NOTCH2: variants seen among roughly 807,000 people sequenced by gnomAD.
NOTCH2 encodes the protein notch receptor 2.
Under a neutral mutation model 235.8 loss-of-function variants are expected in NOTCH2, and 29 were observed. The ratio of observed to expected loss-of-function variants is 0.12; its 90% CI spans 0.09 to 0.17. The LOEUF (loss-of-function observed/expected upper bound fraction) is 0.17, where lower values mean the gene tolerates loss of function less well. Ranked by LOEUF, NOTCH2 falls within the 10% of genes least tolerant of loss-of-function variation. NOTCH2 has a pLI of 1.00. For synonymous variants in NOTCH2, 1,086 were observed against 1,141.5 expected, an observed-to-expected ratio of 0.95 and a Z score of 0.98; for missense variants, 2,285 against 3,150.2, an observed-to-expected ratio of 0.73 and a Z score of 6.57.
chr1:120,014,800 C>A (rs587728233), intron 2 of NOTCH2, among the ~76,000 whole-genome samples: 68 of 121,044 alleles, frequency 5.6e-4, no homozygotes, highest in Non-Finnish European at 1.1e-3. Flanking sequence ...AATAGCCACT[C>A]GTCTACAGAA....
intron 1 of NOTCH2, among the ~76,000 whole-genome samples, chr1:120,041,869 G>GA (rs1274390121): frequency 5.4e-5 from 4 of 73,926 alleles, no homozygotes; most frequent in Non-Finnish European, 8.2e-5. Context: ...GAAAAGAAAA[G>GA]AAAAAAAAGA....
At position 119,913,710 on chromosome 1, in the gene NOTCH2, A is replaced by G. The variant is rs1648965977; in HGVS notation, c.*1596T>C. 4.3e-6 allele frequency: 1 copy of G among 233,168 alleles called. No individual in the cohort carries two copies. The highest frequency in any genetic ancestry group is 8.5e-6 in the Non-Finnish European group (1 of 118,042). The allele number at this position is 233,168 out of a possible 1,614,324, so 14.4% of individuals were successfully genotyped here. On this transcript the variant is annotated 3_prime_UTR_variant, in exon 34 of 34. Transcript: ENST00000256646. ...ATCAGTCTGAACAATGAGCAAGTCT[A>G]TAGTTGTCCATTATCATCTAAAAGG...
chr1:119,979,997 A>G (rs1377133817), intron 5 of NOTCH2, among the ~76,000 whole-genome samples: 5 of 152,196 alleles, frequency 3.3e-5, no homozygotes, highest in African/African-American at 1.2e-4. Context: ...CTCGTGGACC[A>G]ATTTCCTCTT....
rs1414741277 is a variant in NOTCH2, at chr1:119,999,605, G to A, written c.416-2273C>T. Among the ~76,000 whole-genome samples the A allele has an allele frequency of 9.9e-4, 151 of 151,962 alleles. 1 individual carries two copies. The highest frequency in any genetic ancestry group is 3.6e-3 in the African/African-American group (147 of 41,360). On this transcript the variant is annotated intron_variant, in intron 3 of 33. Transcript: ENST00000256646. ...CTGAAACAGAAAGATCCCTGGGCCG[G>A]AAGTGGTGGCTGATGCCTGTAATCC...
intron 22 of NOTCH2, chr1:119,934,988 A>C: frequency 1.6e-5 from 9 of 558,320 alleles, no homozygotes; most frequent in Non-Finnish European, 2.0e-5. Flanking sequence ...CTGCATCCTA[A>C]GGTAGAACCT....
Position 120,023,294 on chromosome 1 carries a change from G to A in NOTCH2, c.155+6612C>T, listed in dbSNP as rs587742638. Among the ~76,000 whole-genome samples the A allele has an allele frequency of 2.0e-3, 302 of 150,972 alleles. 1 individual carries two copies. Among genetic ancestry groups the A allele is most frequent in the African/African-American group, 6.9e-3 (283 of 41,056 alleles). On this transcript the variant is annotated intron_variant, in intron 2 of 33. Coordinates refer to ENST00000256646, the MANE Select transcript of NOTCH2 (RefSeq NM_024408.4). ...CTACTAAAAATACAAAAAATTAGCC[G>A]GGCGTGGTGGCGGGCGCTTGTAGTC...
intron 12 of NOTCH2, among the ~76,000 whole-genome samples, chr1:119,957,596 T>G (rs1553198492): frequency 6.6e-6 from 1 of 151,974 alleles, no homozygotes; most frequent in East Asian, 1.9e-4. Flanking sequence ...AGCAGCTGAT[T>G]AAAAAAATCA....
In NOTCH2 at chr1:119,959,446, T is replaced by G. The variant is rs1359921167; in HGVS notation, c.1972A>C (p.Ile658Leu). Residue 658 changes from isoleucine to leucine, a missense_variant, in exon 12 of 34, where the codon ATC (isoleucine) becomes CTC (leucine). By Grantham distance (5) the Ile-to-Leu change is conservative. This residue lies in a region of NOTCH2 where 431 missense variants were observed against 757.8 expected (regional missense o/e 0.57). Coordinates refer to ENST00000256646, the MANE Select transcript of NOTCH2 (RefSeq NM_024408.4). ...TAGCGATTAATGCCATCCATACAGATTCCATGGATACAAGGGTTACTTGCA... is the reference window on the plus strand; with the variant it reads ...TAGCGATTAATGCCATCCATACAGAGTCCATGGATACAAGGGTTACTTGCA... ...DCASNPCIHGICMDGINRYSC... is the reference protein window; with the variant it reads ...DCASNPCIHGLCMDGINRYSC... 1.2e-6 allele frequency: 2 copies of G among 1,612,364 alleles called. No homozygotes were observed. Among genetic ancestry groups the G allele is most frequent in the South Asian group, 1.1e-5 (1 of 91,080 alleles).
intron 5 of NOTCH2, 80 bp downstream of exon 5, chr1:119,986,880 T>C: frequency 6.3e-7 from 1 of 1,587,082 alleles, no homozygotes; most frequent in Admixed American, 1.7e-5. Flanking sequence ...AGATATTTGT[T>C]ACTGATATTT....
At chr1:119,981,737 T>C (rs1396528530) in intron 5 of NOTCH2, among the ~76,000 whole-genome samples, 4 of 152,160 alleles carry the variant, frequency 2.6e-5, no homozygotes, top group African/African-American at 4.8e-5. Flanking sequence ...GCCCAACTGA[T>C]AGGAAACCGA....
At chr1:119,958,121 A>G (rs146260731) in intron 12 of NOTCH2, among the ~76,000 whole-genome samples, 1 of 152,286 alleles carries the variant, frequency 6.6e-6, no homozygotes, top group East Asian at 1.9e-4. Context: ...CCACTTATCA[A>G]CAATGTACCT....
chr1:119,968,210 A>G lies in NOTCH2; in HGVS notation c.1131T>C (p.Asp377=). Residue 377 remains aspartate (D), a synonymous_variant, in exon 7 of 34, where the codon GAT becomes GAC. Coordinates refer to ENST00000256646, the MANE Select transcript of NOTCH2 (RefSeq NM_024408.4). ...TGTGGCAAGGATTGCTGATGCATGC[A>G]TCATCCAGATGACACAGGAGACCTG... ...GKAGLLCHLD[D]ACISNPCHKG... is the part of the protein sequence containing the mutation. The G allele has an allele frequency of 1.2e-6, 2 of 1,613,978 alleles. No homozygotes were observed. Among genetic ancestry groups the G allele is most frequent in the Non-Finnish European group, 1.7e-6 (2 of 1,179,934 alleles).
At chr1:120,005,232 G>A in intron 3 of NOTCH2, 97 bp downstream of exon 3, 2 of 1,347,172 alleles carry the variant, frequency 1.5e-6, no homozygotes, top group South Asian at 1.2e-5. Flanking sequence ...CACCAGAGCT[G>A]GGGGACATTT....
At chr1:120,039,447 C>T (rs1350412533) in intron 1 of NOTCH2, among the ~76,000 whole-genome samples, 2 of 144,614 alleles carry the variant, frequency 1.4e-5, no homozygotes, top group Admixed American at 7.0e-5. Context: ...CTCGCTCTGT[C>T]GCCCAGGCTG....
intron 11 of NOTCH2, among the ~76,000 whole-genome samples, chr1:119,962,545 G>A (rs926589930): frequency 6.6e-6 from 1 of 152,112 alleles, no homozygotes; most frequent in African/African-American, 2.4e-5. Context: ...TTTCAAACTT[G>A]GCATGTATGA....
Position 119,926,575 on chromosome 1 carries a change from T to C in NOTCH2, c.3929A>G (p.Gln1310Arg). 1 of 1,609,740 alleles carries C rather than the reference T, an allele frequency of 6.2e-7. No individual in the cohort carries two copies. Among genetic ancestry groups the C allele is most frequent in the Non-Finnish European group, 8.5e-7 (1 of 1,177,732 alleles). Residue 1310 changes from glutamine (Q) to arginine (R), a missense_variant, in exon 24 of 34, where the codon CAG (glutamine) becomes CGG (arginine). By Grantham distance (43) the Gln-to-Arg change is conservative. This residue lies in a region of NOTCH2 where 1,173 missense variants were observed against 1,515.3 expected (regional missense o/e 0.77). Transcript: ENST00000256646. Reference sequence around the variant, plus strand: ...AGTCCCTCCATTCAGGCAGGGCATCTGGGGACACACATCGACGAAGGTTTC... The same window carrying C: ...AGTCCCTCCATTCAGGCAGGGCATCCGGGGACACACATCGACGAAGGTTTC... The part of the protein sequence containing the change: ...HCETFVDVCP[Q>R]MPCLNGGTCA...
At chr1:120,029,195 GAATAT>G (rs1553210569) in intron 2 of NOTCH2, among the ~76,000 whole-genome samples, 1 of 148,716 alleles carries the variant, frequency 6.7e-6, no homozygotes, top group East Asian at 2.0e-4. Flanking sequence ...AAAAAAATAT[GAATAT>G]AATATTCACA....
chr1:119,916,424 C>T lies in NOTCH2; in HGVS notation c.6298G>A (p.Gly2100Ser). The stretch of plus-strand genomic sequence containing the variant: ...GCACTGGGCCGTCTAGACTTCTTGC[C>T]CATTGGGGTGTGCTTCAGGCTGAGG... ...SFLSLKHTPMGKKSRRPSAKS... is the reference protein window; with the variant it reads ...SFLSLKHTPMSKKSRRPSAKS... The change falls in exon 34 of 34, where the codon GGC (glycine) becomes AGC (serine). Residue 2100 changes from glycine to serine, a missense_variant. This residue lies in a region of NOTCH2 where 504 missense variants were observed against 538.0 expected (regional missense o/e 0.94). Transcript: ENST00000256646. The T allele has an allele frequency of 6.2e-7, 1 of 1,614,096 alleles. No individual in the cohort carries two copies. The highest frequency in any genetic ancestry group is 8.5e-7 in the Non-Finnish European group (1 of 1,179,994).
chr1:119,967,395 C>A (rs781946053), intron 8 of NOTCH2, 38 bp downstream of exon 8: 1 of 1,584,506 alleles, frequency 6.3e-7, no homozygotes, highest in South Asian at 1.1e-5. Context: ...AGAACAGTCC[C>A]TCCTCTCTAG....
Sources: allele counts gnomAD v4.1 joint callset (sites outside exome capture counted in the v4.1 genomes callset), GRCh38; gene constraint gnomAD v4.1.1; regional missense constraint gnomAD v4.1.1; transcripts MANE v1.5; gene names NCBI Gene and HGNC (gene_info 2026-07-23, HGNC 2026-07-21).